The following CUX2 variants were observed in gnomAD, a reference collection of about 807,000 sequenced individuals.
CUX2 encodes homeobox protein cut-like 2.
In CUX2, 40 loss-of-function variants were observed where a neutral mutation model predicts 144.8. That is an observed-to-expected ratio of 0.28 (90% CI 0.21 to 0.36). The LOEUF (loss-of-function observed/expected upper bound fraction) is 0.36, where lower values mean the gene tolerates loss of function less well. Among genes scored for constraint, CUX2 ranks in the 10% least tolerant of loss-of-function variants. The probability of loss-of-function intolerance (pLI) is 1.00; values close to 1 mark genes in which losing one functional copy is unlikely to be tolerated. For synonymous variants in CUX2, 827 were observed against 875.6 expected, an observed-to-expected ratio of 0.94 and a Z score of 0.98; for missense variants, 1,615 against 1,994.0, an observed-to-expected ratio of 0.81 and a Z score of 3.62.
intron 1 of CUX2, among the ~76,000 whole-genome samples, chr12:111,080,306 C>A (rs1276762762): frequency 6.6e-6 from 1 of 152,172 alleles, no homozygotes; most frequent in Non-Finnish European, 1.5e-5. Context: ...TTTCTTTCTT[C>A]CTTAGCACTT....
rs1158891499 is a variant in CUX2 at position 111,057,154 on chromosome 12, C to T, written c.63+22914C>T. Among the ~76,000 whole-genome samples the T allele has an allele frequency of 2.6e-5, 4 of 151,172 alleles. No individual in the cohort carries two copies. Among genetic ancestry groups the T allele is most frequent in the Non-Finnish European group, 4.4e-5 (3 of 67,874 alleles). ...ATGGTTGTGACGGGAGGTTGTGTGA[C>T]GAGAGTGAGTATGACAGGAAATGGC... On this transcript the variant is annotated intron_variant, in intron 1 of 21. Coordinates refer to ENST00000261726, the MANE Select transcript of CUX2 (RefSeq NM_015267.4). This position sits in a 1 kb window ranked among gnomAD's most constrained non-coding sequence, Gnocchi z 5.1.
At chr12:111,099,889 G>A (rs747547447) in intron 1 of CUX2, 27 of 449,330 alleles carry the variant, frequency 6.0e-5, no homozygotes, top group Non-Finnish European at 2.2e-5. Flanking sequence ...AAGAGGTAAT[G>A]CTAATGTCTT....
At chr12:111,097,618 G>A (rs769732608) in intron 1 of CUX2, among the ~76,000 whole-genome samples, 13 of 152,238 alleles carry the variant, frequency 8.5e-5, no homozygotes, top group Non-Finnish European at 2.9e-5. Context: ...ATGGGCTTCT[G>A]CTCTCAGGGG....
rs1211701772 is a variant in CUX2, at chr12:111,061,026, C to A, written c.63+26786C>A. On this transcript the variant is annotated intron_variant, in intron 1 of 21. Coordinates refer to ENST00000261726, the MANE Select transcript of CUX2 (RefSeq NM_015267.4). The surrounding 1 kb of genome is among the most constrained non-coding windows in gnomAD (Gnocchi z 4.2). ...CTGCCACCTCCCAGCCTTGGGATGC[C>A]AGGACCTCCAGCTGGCCCTGCTGCC... 6.6e-6 allele frequency among the ~76,000 whole-genome samples: 1 copy of A among 152,190 alleles called. No homozygotes were observed. Among genetic ancestry groups the A allele is most frequent in the Non-Finnish European group, 1.5e-5 (1 of 68,034 alleles).
intron 1 of CUX2, among the ~76,000 whole-genome samples, chr12:111,107,562 C>T (rs1873685738): frequency 6.6e-6 from 1 of 152,210 alleles, no homozygotes; most frequent in Admixed American, 6.5e-5. Context: ...CTTGCTGGCT[C>T]TAGGAAGTTG....
intron 3 of CUX2, among the ~76,000 whole-genome samples, chr12:111,253,875 G>A (rs1883687874): frequency 1.3e-5 from 2 of 149,980 alleles, no homozygotes; most frequent in Admixed American, 1.3e-4. Flanking sequence ...AGTAGTTGTG[G>A]TTTTTGCCAT....
Position 111,228,757 on chromosome 12 carries a change from A to C in CUX2, c.222+10820A>C, listed in dbSNP as rs1164678305. Among the ~76,000 whole-genome samples the C allele has an allele frequency of 4.6e-5, 7 of 152,178 alleles. No homozygotes were observed. In the East Asian group the frequency reaches 9.7e-4, roughly 21 times the overall value. ...TATGTTTTTTATTGCATTTGGTTGA[A>C]AAAAAAATTCTGTGTGTCAGCAGAC... On this transcript the variant is annotated intron_variant, in intron 3 of 21. Transcript: ENST00000261726.
At chr12:111,049,507 A>C (rs1870163728) in intron 1 of CUX2, among the ~76,000 whole-genome samples, 1 of 152,246 alleles carries the variant, frequency 6.6e-6, no homozygotes, top group African/African-American at 2.4e-5. Flanking sequence ...TTAGCACAGT[A>C]ATCAGAGGCT....
chr12:111,322,277 C>T lies in CUX2; in HGVS notation c.2767-144C>T, dbSNP rs1435791624. ...AGTTTGCAGTGAGCTGAGATGGTGC[C>T]ACTGCACTCCATCCTGGGCGACAGA... On this transcript the variant is annotated intron_variant, in intron 17 of 21. Transcript: ENST00000261726. The surrounding 1 kb of genome is among the most constrained non-coding windows in gnomAD (Gnocchi z 4.2). 2 of 849,968 alleles carry T rather than the reference C, an allele frequency of 2.4e-6. No individual in the cohort carries two copies. Among genetic ancestry groups the T allele is most frequent in the East Asian group, 2.8e-5 (1 of 36,326 alleles). The allele number at this position is 849,968 out of a possible 1,614,324, so 52.7% of individuals were successfully genotyped here. A position where few individuals can be genotyped will look rare whatever the true frequency, so the allele number is the denominator to read the frequency against.
At position 111,061,651 on chromosome 12, in the gene CUX2, C is replaced by G. The variant is rs1039904362; in HGVS notation, c.63+27411C>G. 1.1e-4 allele frequency among the ~76,000 whole-genome samples: 17 copies of G among 152,210 alleles called. No individual in the cohort carries two copies. Among genetic ancestry groups the G allele is most frequent in the Non-Finnish European group, 2.2e-4 (15 of 68,044 alleles). Reference sequence around the variant, plus strand: ...CTTATACCCACATTAGCATTCTCCACGTCATTTTGCTGTCTTTCGGACAAG... The same window carrying G: ...CTTATACCCACATTAGCATTCTCCAGGTCATTTTGCTGTCTTTCGGACAAG... On this transcript the variant is annotated intron_variant, in intron 1 of 21. Transcript: ENST00000261726. The surrounding 1 kb of genome is among the most constrained non-coding windows in gnomAD (Gnocchi z 4.2).
At chr12:111,337,790 C>G (rs2136440098) in intron 19 of CUX2, among the ~76,000 whole-genome samples, 1 of 152,330 alleles carries the variant, frequency 6.6e-6, no homozygotes, top group South Asian at 2.1e-4. Flanking sequence ...AATTGCAGCA[C>G]TTTGGGAGGC....
intron 3 of CUX2, among the ~76,000 whole-genome samples, chr12:111,245,984 C>T (rs1445632514): frequency 6.6e-6 from 1 of 152,112 alleles, no homozygotes; most frequent in Non-Finnish European, 1.5e-5. Flanking sequence ...AAGGAGTGGC[C>T]TGTACCCCGC....
At position 111,320,781 on chromosome 12, in the gene CUX2, T is replaced by C; in HGVS notation, c.2766+6T>C. 6.6e-7 allele frequency: 1 copy of C among 1,519,246 alleles called. No individual in the cohort carries two copies. The highest frequency in any genetic ancestry group is 8.8e-7 in the Non-Finnish European group (1 of 1,137,776). 94.1% of individuals were successfully genotyped at this position (1,519,246 alleles called of 1,614,324 possible). On this transcript the variant is annotated splice_donor_region_variant and intron_variant, in intron 17 of 21. Transcript: ENST00000261726. This position sits in a 1 kb window ranked among gnomAD's most constrained non-coding sequence, Gnocchi z 8.1. ...AGAGGATCTTCGGGGAGAAGGTGAG[T>C]GCAGGGCGGGCCCCCGGTGTCTGGG...
Position 111,224,516 on chromosome 12 carries a change from C to CTT in CUX2, c.222+6599_222+6600dup, listed in dbSNP as rs34109440. ...TTTGAGCTGAAATTTAATTACAGGG[C>CTT]TTTTTTTTTTTTTTTTTTTTTGCCT... is the stretch of plus-strand genomic sequence containing the variant. On this transcript the variant is annotated intron_variant, in intron 3 of 21. Coordinates refer to ENST00000261726, the MANE Select transcript of CUX2 (RefSeq NM_015267.4). Among the ~76,000 whole-genome samples, 302 of 77,168 alleles carry CTT rather than the reference C, an allele frequency of 3.9e-3. 1 individual carries two copies. The highest frequency in any genetic ancestry group is 5.7e-3 in the African/African-American group (116 of 20,330). The allele number at this position is 77,168 out of a possible 152,430, so 50.6% of individuals were successfully genotyped here.
chr12:111,252,029 C>T (rs1403580847), intron 3 of CUX2, among the ~76,000 whole-genome samples: 9 of 152,132 alleles, frequency 5.9e-5, no homozygotes, highest in South Asian at 4.2e-4. Flanking sequence ...AAAAAGAAAA[C>T]GAAAATATTA....
chr12:111,061,699 G>C lies in CUX2; in HGVS notation c.63+27459G>C, dbSNP rs1392348160. Among the ~76,000 whole-genome samples the C allele has an allele frequency of 2.0e-5, 3 of 152,182 alleles. No individual in the cohort carries two copies. Among genetic ancestry groups the C allele is most frequent in the Non-Finnish European group, 4.4e-5 (3 of 68,024 alleles). Reference sequence around the variant, plus strand: ...AAGCGTTTTACCTGCCCGATGTTCTGTGAAGTGAGTGGGTCACTCTCCCCT... The same window carrying C: ...AAGCGTTTTACCTGCCCGATGTTCTCTGAAGTGAGTGGGTCACTCTCCCCT... On this transcript the variant is annotated intron_variant, in intron 1 of 21. Transcript: ENST00000261726. The surrounding 1 kb of genome is among the most constrained non-coding windows in gnomAD (Gnocchi z 4.2).
chr12:111,250,266 G>A (rs540992515), intron 3 of CUX2, among the ~76,000 whole-genome samples: 39 of 152,178 alleles, frequency 2.6e-4, no homozygotes, highest in Non-Finnish European at 4.4e-4. Flanking sequence ...GTGGGGGTGG[G>A]GGTGTCACAC....
At chr12:111,127,137 A>G (rs1419725495) in intron 1 of CUX2, among the ~76,000 whole-genome samples, 1 of 152,254 alleles carries the variant, frequency 6.6e-6, no homozygotes, top group Non-Finnish European at 1.5e-5. Context: ...AATAAGGAGG[A>G]AATACTCATG....
chr12:111,321,629 C>G (rs911644880), intron 17 of CUX2, among the ~76,000 whole-genome samples: 6 of 151,926 alleles, frequency 3.9e-5, no homozygotes, highest in Non-Finnish European at 5.9e-5. Context: ...CTACAGTGAG[C>G]CATGATCACA....
Sources: allele counts gnomAD v4.1 joint callset (sites outside exome capture counted in the v4.1 genomes callset), GRCh38; gene constraint gnomAD v4.1.1; non-coding constraint Gnocchi (gnomAD v3.1); transcripts MANE v1.5; gene names NCBI Gene and HGNC (gene_info 2026-07-23, HGNC 2026-07-21).